FEZ1: variants seen among roughly 807,000 people sequenced by gnomAD.
FEZ1 encodes fasciculation and elongation protein zeta-1.
FEZ1 carries 20 observed loss-of-function variants against 49.3 expected under a neutral mutation model. The observed-to-expected ratio is 0.41, with a 90% CI of 0.29 to 0.59. The LOEUF (loss-of-function observed/expected upper bound fraction) is 0.59. Ranked by LOEUF, FEZ1 falls within the 20% of genes least tolerant of loss-of-function variation. The probability of loss-of-function intolerance (pLI) is 0.36; values close to 1 mark genes in which losing one functional copy is unlikely to be tolerated. For synonymous variants in FEZ1, 170 were observed against 180.9 expected, an observed-to-expected ratio of 0.94 and a Z score of 0.48; for missense variants, 413 against 476.0, an observed-to-expected ratio of 0.87 and a Z score of 1.23.
chr11:125,492,850 C>A (rs1957394346), intron 1 of FEZ1, among the ~76,000 whole-genome samples: 1 of 151,974 alleles, frequency 6.6e-6, no homozygotes, highest in Non-Finnish European at 1.5e-5. Flanking sequence ...CACCTGTAAT[C>A]CCAGCAACTG....
intron 2 of FEZ1, chr11:125,488,658 C>A (rs952419859): frequency 1.1e-6 from 1 of 940,742 alleles, no homozygotes; most frequent in Non-Finnish European, 1.3e-6. Flanking sequence ...CCAGCCTGGG[C>A]GATAGAATGA....
intron 3 of FEZ1, among the ~76,000 whole-genome samples, chr11:125,474,876 A>C (rs1448417976): frequency 6.6e-6 from 1 of 152,182 alleles, no homozygotes; most frequent in Non-Finnish European, 1.5e-5. Flanking sequence ...TGACAGAGCA[A>C]GACTCCAACT....
chr11:125,462,267 A>C (rs906663140), intron 4 of FEZ1, among the ~76,000 whole-genome samples: 1 of 152,260 alleles, frequency 6.6e-6, no homozygotes, highest in Non-Finnish European at 1.5e-5. Context: ...TTGTTGACTA[A>C]AACATTAAAT....
intron 1 of FEZ1, among the ~76,000 whole-genome samples, chr11:125,493,195 A>G (rs1033241703): frequency 2.0e-5 from 3 of 150,388 alleles, no homozygotes; most frequent in Non-Finnish European, 4.4e-5. Flanking sequence ...TTAGCTGAGC[A>G]TGGTGGCAGG....
At position 125,444,688 on chromosome 11, in the gene FEZ1, T is replaced by A. The variant is rs528360496; in HGVS notation, c.*1407A>T. ...GCCTTCTGTGGAGCTGCTGATGTGA[T>A]AAAGTATGGCTTTCTCTGTGGCATG... is the stretch of plus-strand genomic sequence containing the variant. On this transcript the variant is annotated 3_prime_UTR_variant, in exon 10 of 10. Transcript: ENST00000278919. Among the ~76,000 whole-genome samples the A allele has an allele frequency of 6.6e-6, 1 of 152,160 alleles. No homozygotes were observed. Among genetic ancestry groups the A allele is most frequent in the Non-Finnish European group, 1.5e-5 (1 of 68,024 alleles).
At chr11:125,454,085 G>T in intron 7 of FEZ1, 45 bp downstream of exon 7, 1 of 1,424,758 alleles carries the variant, frequency 7.0e-7, no homozygotes, top group Non-Finnish European at 9.8e-7. Context: ...AGGCCAAGCT[G>T]CAGGAGTCTA....
At chr11:125,466,330 A>AT (rs1263578815) in intron 3 of FEZ1, among the ~76,000 whole-genome samples, 1 of 152,038 alleles carries the variant, frequency 6.6e-6, no homozygotes, top group Non-Finnish European at 1.5e-5. Context: ...AAATAGAAAA[A>AT]TTAGTCAGGC....
intron 1 of FEZ1, among the ~76,000 whole-genome samples, chr11:125,490,721 A>G (rs1373180280): frequency 6.6e-6 from 1 of 152,102 alleles, no homozygotes; most frequent in African/African-American, 2.4e-5. Context: ...AAAAAAACTA[A>G]TAAAACATCA....
chr11:125,448,019 C>A (rs1396090546), intron 9 of FEZ1, among the ~76,000 whole-genome samples: 1 of 151,978 alleles, frequency 6.6e-6, no homozygotes, highest in Non-Finnish European at 1.5e-5. Context: ...TAAGCCTGGC[C>A]GGGACTTAAT....
chr11:125,493,639 A>T (rs1255323910), intron 1 of FEZ1, among the ~76,000 whole-genome samples: 4 of 152,244 alleles, frequency 2.6e-5, no homozygotes, highest in Admixed American at 6.5e-5. Flanking sequence ...TTATCAAACA[A>T]GAGAACTATT....
rs185863707 is a variant in FEZ1 at position 125,489,081 on chromosome 11, C to G, written c.311+386G>C. 1.0e-4 allele frequency: 102 copies of G among 989,340 alleles called. No homozygotes were observed. The African/African-American group carries it at 1.8e-3, about 17-fold the overall frequency. 61.3% of individuals were successfully genotyped at this position (989,340 alleles called of 1,614,324 possible). A position where few individuals can be genotyped will look rare whatever the true frequency, so the allele number is the denominator to read the frequency against. On this transcript the variant is annotated intron_variant, in intron 2 of 9. Coordinates refer to ENST00000278919, the MANE Select transcript of FEZ1 (RefSeq NM_005103.5). The surrounding 1 kb of genome is among the most constrained non-coding windows in gnomAD (Gnocchi z 4.2). ...TTCAAAATTCTGGTGTTTCTTGAAG[C>G]AAATTAGTCCAATAACATAGATTCA...
intron 5 of FEZ1, among the ~76,000 whole-genome samples, chr11:125,456,920 A>G (rs1957015861): frequency 6.6e-6 from 1 of 152,222 alleles, no homozygotes; most frequent in South Asian, 2.1e-4. Flanking sequence ...GCAGTGGCTC[A>G]TGCCTGTAAT....
At chr11:125,471,437 C>G (rs1957182240) in intron 3 of FEZ1, among the ~76,000 whole-genome samples, 1 of 144,550 alleles carries the variant, frequency 6.9e-6, no homozygotes, top group South Asian at 2.1e-4. Flanking sequence ...TAGATACACA[C>G]ACACACACAC....
intron 3 of FEZ1, among the ~76,000 whole-genome samples, chr11:125,475,011 T>C (rs1405865808): frequency 6.6e-6 from 1 of 152,194 alleles, no homozygotes; most frequent in East Asian, 1.9e-4. Flanking sequence ...CAGTCACGCC[T>C]GTAATCCCAG....
chr11:125,478,110 G>A (rs545982773), intron 3 of FEZ1, among the ~76,000 whole-genome samples: 73 of 152,342 alleles, frequency 4.8e-4, no homozygotes, highest in Admixed American at 7.8e-4. Context: ...GCAGTCACAA[G>A]GACAGCACAA....
intron 3 of FEZ1, among the ~76,000 whole-genome samples, chr11:125,468,279 G>A (rs1957152250): frequency 6.6e-6 from 1 of 151,982 alleles, no homozygotes; most frequent in African/African-American, 2.4e-5. Context: ...CTGGGATCAG[G>A]CAATTCTTCC....
At chr11:125,488,955 C>T (rs978296842) in intron 2 of FEZ1, 7 of 985,300 alleles carry the variant, frequency 7.1e-6, no homozygotes, top group Non-Finnish European at 8.4e-6. Flanking sequence ...CAGGGTAGCC[C>T]GCTGTGCTCT....
chr11:125,447,308 G>A (rs971057139), intron 9 of FEZ1, among the ~76,000 whole-genome samples: 2 of 152,148 alleles, frequency 1.3e-5, no homozygotes, highest in African/African-American at 4.8e-5. Context: ...AATCCACAAT[G>A]AGGAAATTCT....
intron 3 of FEZ1, among the ~76,000 whole-genome samples, chr11:125,479,393 C>T (rs112513855): frequency 4.6e-4 from 70 of 152,342 alleles, no homozygotes; most frequent in African/African-American, 1.7e-3. Context: ...CTATCACTTG[C>T]TGAGCCTGCA....
Sources: gnomAD v4.1 joint callset for allele counts (sites outside exome capture counted in the v4.1 genomes callset) on GRCh38, gnomAD v4.1.1 for gene constraint, Gnocchi (gnomAD v3.1) non-coding constraint, MANE v1.5 for transcripts, NCBI Gene and HGNC (gene_info 2026-07-23, HGNC 2026-07-21) for gene names.